Variants in PDE4D observed in about 807,000 individuals in gnomAD.
The protein encoded by PDE4D is phosphodiesterase 4D, also known as 3',5'-cyclic-AMP phosphodiesterase 4D.
A neutral mutation model predicts 87.4 loss-of-function variants in PDE4D; 24 were observed. The ratio of observed to expected loss-of-function variants is 0.27; its 90% confidence interval spans 0.20 to 0.39. The LOEUF (loss-of-function observed/expected upper bound fraction) is 0.39. Ranked by LOEUF, PDE4D falls within the 10% of genes least tolerant of loss-of-function variation. The pLI, the probability that PDE4D is intolerant of heterozygous loss-of-function variation, is 1.00. For missense variants in PDE4D, 714 were observed against 1,041.0 expected (o/e 0.69, Z 4.32); for synonymous variants, 384 against 383.2 (o/e 1.00, Z -0.02).
At chr5:60,099,185 C>T (rs551261752) in intron 2 of PDE4D, among the ~76,000 whole-genome samples, 2 of 152,028 alleles carry the variant, frequency 1.3e-5, no homozygotes, top group South Asian at 2.1e-4. Flanking sequence ...TTTGTGAGTA[C>T]CCTTCCATGT....
chr5:60,316,196 C>T (rs1219605954), intron 1 of PDE4D, among the ~76,000 whole-genome samples: 3 of 152,102 alleles, frequency 2.0e-5, no homozygotes, highest in African/African-American at 4.8e-5. Context: ...TTGAAGAGGT[C>T]CTTCACGTCC....
intron 1 of PDE4D, among the ~76,000 whole-genome samples, chr5:59,354,925 T>A (rs868219584): frequency 6.6e-6 from 1 of 152,246 alleles, no homozygotes; most frequent in Middle Eastern, 3.4e-3. Context: ...AAGCAGCACA[T>A]ATAAAAAAAT....
At chr5:59,351,968 G>C (rs892162259) in intron 1 of PDE4D, among the ~76,000 whole-genome samples, 27 of 152,096 alleles carry the variant, frequency 1.8e-4, no homozygotes, top group African/African-American at 6.3e-4. Context: ...CTGGAGGTGG[G>C]AGAGGGACCA....
chr5:59,233,569 T>C (rs1755709789), intron 1 of PDE4D, among the ~76,000 whole-genome samples: 1 of 152,190 alleles, frequency 6.6e-6, no homozygotes, highest in Non-Finnish European at 1.5e-5. Flanking sequence ...AGACCATTCC[T>C]GTTCTGAACT....
chr5:59,108,906 CA>C lies in PDE4D; in HGVS notation c.809-69936del, dbSNP rs57209544. Among the ~76,000 whole-genome samples the C allele has an allele frequency of 5.9e-4, 51 of 86,336 alleles. 1 individual carries two copies. The highest frequency in any genetic ancestry group is 1.4e-3 in the Admixed American group (11 of 7,828). The allele number at this position is 86,336 out of a possible 152,430, so 56.6% of individuals were successfully genotyped here. A position where few individuals can be genotyped will look rare whatever the true frequency, so the allele number is the denominator to read the frequency against. On this transcript the variant is annotated intron_variant, in intron 5 of 14. Transcript: ENST00000340635. ...TGGGTGACAGAGTGAGATTCCTTCT[CA>C]AAAAAAAAAAAGAAAGAAATTAAAA...
chr5:59,389,781 A>G (rs569031705), intron 1 of PDE4D, among the ~76,000 whole-genome samples: 1 of 152,130 alleles, frequency 6.6e-6, no homozygotes, highest in African/African-American at 2.4e-5. Flanking sequence ...GTTGTCACTC[A>G]TATGTGGGAG....
chr5:59,344,511 C>T (rs1304117301), intron 1 of PDE4D, among the ~76,000 whole-genome samples: 1 of 152,062 alleles, frequency 6.6e-6, no homozygotes. Context: ...AAGCAATCCT[C>T]CCTCAGCCCC....
intron 1 of PDE4D, among the ~76,000 whole-genome samples, chr5:59,857,260 T>G (rs985231884): frequency 2.0e-5 from 3 of 152,112 alleles, no homozygotes; most frequent in Non-Finnish European, 4.4e-5. Context: ...ACCTGTAACT[T>G]GCTTGGTATG....
At chr5:59,330,677 T>C (rs1432657711) in intron 1 of PDE4D, among the ~76,000 whole-genome samples, 3 of 152,184 alleles carry the variant, frequency 2.0e-5, no homozygotes, top group Non-Finnish European at 2.9e-5. Context: ...AAATAATGTC[T>C]TTTAGTTTAT....
chr5:60,247,955 A>C (rs76687670), intron 1 of PDE4D, among the ~76,000 whole-genome samples: 2 of 152,078 alleles, frequency 1.3e-5, no homozygotes, highest in African/African-American at 4.8e-5. Flanking sequence ...GAAGAAATAC[A>C]AATAATAAAC....
chr5:59,807,620 C>A (rs1286559340), intron 1 of PDE4D, among the ~76,000 whole-genome samples: 1 of 152,162 alleles, frequency 6.6e-6, no homozygotes, highest in Non-Finnish European at 1.5e-5. Context: ...TGGAATCCGG[C>A]CTTCCAGACA....
At chr5:59,334,285 G>GCCTA (rs1777276030) in intron 1 of PDE4D, among the ~76,000 whole-genome samples, 2 of 133,418 alleles carry the variant, frequency 1.5e-5, no homozygotes, top group Non-Finnish European at 3.1e-5. Context: ...TGGAGATGGA[G>GCCTA]CCTAGCTCTG....
At chr5:60,070,272 A>G (rs1251291548) in intron 2 of PDE4D, among the ~76,000 whole-genome samples, 1 of 152,120 alleles carries the variant, frequency 6.6e-6, no homozygotes, top group African/African-American at 2.4e-5. Context: ...TCTTAGAGGA[A>G]AAGCCTTCAT....
At chr5:60,438,650 T>C (rs1346890090) in intron 1 of PDE4D, among the ~76,000 whole-genome samples, 1 of 152,076 alleles carries the variant, frequency 6.6e-6, no homozygotes, top group Non-Finnish European at 1.5e-5. Context: ...CCTTGAAAGA[T>C]GTCAGAAAAA....
chr5:59,802,309 A>G (rs755767419), intron 1 of PDE4D, among the ~76,000 whole-genome samples: 6 of 152,020 alleles, frequency 3.9e-5, no homozygotes, highest in Non-Finnish European at 7.4e-5. Context: ...TAGTTAAGAA[A>G]TACATACTTT....
At chr5:59,029,427 A>AC (rs890676175) in intron 6 of PDE4D, among the ~76,000 whole-genome samples, 6 of 151,302 alleles carry the variant, frequency 4.0e-5, no homozygotes, top group African/African-American at 9.7e-5. Context: ...AAAAAAAAAA[A>AC]AAAAAAAAAA....
In PDE4D at chr5:59,774,857, G is replaced by T. The variant is rs1453493908; in HGVS notation, c.455+118311C>A. On this transcript the variant is annotated intron_variant, in intron 1 of 14. Transcript: ENST00000340635. ...TTACAGGCACCAACCACCATGCCGG[G>T]CTAATTTTCGTGTTTTTAGTAGAGA... Among the ~76,000 whole-genome samples, 3 of 151,756 alleles carry T rather than the reference G, an allele frequency of 2.0e-5. No homozygotes were observed. In the East Asian group the frequency reaches 5.8e-4, roughly 29 times the overall value.
At position 60,341,081 on chromosome 5, in the gene PDE4D, C is replaced by A. The variant is rs149668307; in HGVS notation, c.-90+146861G>T. Among the ~76,000 whole-genome samples, 8 of 152,152 alleles carry A rather than the reference C, an allele frequency of 5.3e-5. No homozygotes were observed. The East Asian group carries it at 1.5e-3, about 29-fold the overall frequency. ...CTTCCCTTTCACTATGATTTGCCAT[C>A]CAGTGAGTCAGAGCAATATCTTGAA... On this transcript the variant is annotated intron_variant, in intron 1 of 16. Coordinates refer to the PDE4D transcript ENST00000502484.
chr5:59,647,161 A>T (rs1742607278), intron 1 of PDE4D, among the ~76,000 whole-genome samples: 1 of 152,214 alleles, frequency 6.6e-6, no homozygotes. Context: ...TTGAAATGGA[A>T]GCTTTCATCA....
Sources: gnomAD v4.1 joint callset for allele counts (sites outside exome capture counted in the v4.1 genomes callset) on GRCh38, gnomAD v4.1.1 for gene constraint, MANE v1.5 for transcripts, NCBI Gene and HGNC (gene_info 2026-07-23, HGNC 2026-07-21) for gene names.